The following CACNB2 variants were observed in gnomAD, a reference collection of about 807,000 sequenced individuals.
CACNB2 encodes calcium voltage-gated channel auxiliary subunit beta 2.
A neutral mutation model predicts 73.3 loss-of-function variants in CACNB2; 42 were observed. The observed-to-expected ratio is 0.57, with a 90% CI of 0.45 to 0.74. The LOEUF is 0.74. Among genes scored for constraint, CACNB2 ranks in the 30% least tolerant of loss-of-function variants. The pLI is 0.00. For missense variants in CACNB2, 940 were observed against 853.0 expected (o/e 1.10, Z -1.27); for synonymous variants, 348 against 310.3 (o/e 1.12, Z -1.28).
Position 18,494,257 on chromosome 10 carries a change from G to A in CACNB2, c.334-4098G>A, listed in dbSNP as rs1042094906. On this transcript the variant is annotated intron_variant, in intron 3 of 13. Coordinates refer to ENST00000324631, the MANE Select transcript of CACNB2 (RefSeq NM_201596.3). ...AAGATTTTCTATGGGGTCTTCTGTC[G>A]AGTCAGGCATTAAAAATGTGTCTTA... 2.6e-5 allele frequency among the ~76,000 whole-genome samples: 4 copies of A among 152,060 alleles called. No homozygotes were observed. In the South Asian group the frequency reaches 6.2e-4, roughly 24 times the overall value.
intron 9 of CACNB2, among the ~76,000 whole-genome samples, chr10:18,522,800 C>T (rs1275672802): frequency 7.0e-6 from 1 of 142,634 alleles, no homozygotes; most frequent in African/African-American, 2.7e-5. Context: ...ATTGCTTGAA[C>T]CCGGGAGGCA....
At chr10:18,402,081 T>G in intron 3 of CACNB2, 38 bp downstream of exon 3, 2 of 1,610,006 alleles carry the variant, frequency 1.2e-6, no homozygotes, top group East Asian at 2.2e-5. Flanking sequence ...CTTTGCAAGT[T>G]GTGCTGTGCC....
chr10:18,215,135 T>A (rs2035463566), intron 2 of CACNB2, among the ~76,000 whole-genome samples: 1 of 152,062 alleles, frequency 6.6e-6, no homozygotes. Flanking sequence ...CCCAGTATGG[T>A]ATTCATGGGG....
At chr10:18,532,723 A>C (rs2053188509) in intron 10 of CACNB2, among the ~76,000 whole-genome samples, 5 of 150,666 alleles carry the variant, frequency 3.3e-5, no homozygotes, top group Admixed American at 2.0e-4. Context: ...ACAAACAAAA[A>C]AAACAAAAAA....
chr10:18,154,674 G>T (rs185646310), intron 2 of CACNB2, among the ~76,000 whole-genome samples: 3 of 152,222 alleles, frequency 2.0e-5, no homozygotes, highest in Non-Finnish European at 4.4e-5. Context: ...CGCCATGTTG[G>T]CCAGGCTGGT....
At chr10:18,361,335 A>G (rs746983487) in intron 2 of CACNB2, among the ~76,000 whole-genome samples, 1 of 92,590 alleles carries the variant, frequency 1.1e-5, no homozygotes, top group African/African-American at 4.2e-5. Flanking sequence ...ACAAAAAATT[A>G]AAAAAAAAAA....
chr10:18,442,115 G>T (rs868038177), intron 3 of CACNB2, among the ~76,000 whole-genome samples: 1 of 152,086 alleles, frequency 6.6e-6, no homozygotes, highest in African/African-American at 2.4e-5. Flanking sequence ...GAAAGGATCT[G>T]TTCCTTGTAG....
chr10:18,432,490 C>G (rs2045937083), intron 3 of CACNB2, among the ~76,000 whole-genome samples: 1 of 151,448 alleles, frequency 6.6e-6, no homozygotes, highest in Admixed American at 6.6e-5. Flanking sequence ...GTCCCTGTCC[C>G]TATACCTCAA....
Position 18,534,175 on chromosome 10 carries a change from G to C in CACNB2, c.1154G>C (p.Ser385Thr), listed in dbSNP as rs770400596. 3.1e-6 allele frequency: 5 copies of C among 1,613,756 alleles called. No homozygotes were observed. Among genetic ancestry groups the C allele is most frequent in the Non-Finnish European group, 3.4e-6 (4 of 1,179,690 alleles). The change falls in exon 11 of 14, where the codon AGT (serine) becomes ACT (threonine). Residue 385 changes from serine to threonine, a missense_variant. By Grantham distance (58) the Ser-to-Thr change is moderately conservative (BLOSUM62 1). Transcript: ENST00000324631. ...ADTINHPAQL[S>T]KTSLAPIIVY... ...ACAATTAATCATCCAGCTCAACTCAGTAAAACCTCCTTGGCCCCTATTATA... is the reference window on the plus strand; with the variant it reads ...ACAATTAATCATCCAGCTCAACTCACTAAAACCTCCTTGGCCCCTATTATA...
intron 2 of CACNB2, among the ~76,000 whole-genome samples, chr10:18,267,551 A>G (rs920938550): frequency 2.0e-5 from 3 of 152,194 alleles, no homozygotes; most frequent in African/African-American, 7.2e-5. Flanking sequence ...GGTTGCAGTG[A>G]ACTGAGATCA....
chr10:18,511,625 T>C (rs16917405), intron 6 of CACNB2, among the ~76,000 whole-genome samples: 4,912 of 152,320 alleles, frequency 0.032, 265 homozygotes, highest in African/African-American at 0.11. Flanking sequence ...ATGTATAATA[T>C]GATGCTTTCC....
chr10:18,280,234 A>C (rs985113727), intron 2 of CACNB2, among the ~76,000 whole-genome samples: 1 of 152,182 alleles, frequency 6.6e-6, no homozygotes, highest in Non-Finnish European at 1.5e-5. Context: ...ACAAGAATAA[A>C]AACTAGAAAA....
intron 3 of CACNB2, among the ~76,000 whole-genome samples, chr10:18,472,221 C>CTTTTTTTTTTTT (rs200348808): frequency 2.5e-5 from 3 of 119,420 alleles, no homozygotes; most frequent in Admixed American, 9.4e-5. Flanking sequence ...CACTTTTCTT[C>CTTTTTTTTTTTT]TTTTTTTTTT....
intron 2 of CACNB2, among the ~76,000 whole-genome samples, chr10:18,380,225 T>C (rs887550040): frequency 1.3e-5 from 2 of 152,144 alleles, no homozygotes; most frequent in Admixed American, 6.6e-5. Flanking sequence ...TCTTAAAATA[T>C]TTTTAAAATG....
At chr10:18,176,427 A>G (rs1337886209) in intron 2 of CACNB2, among the ~76,000 whole-genome samples, 2 of 152,178 alleles carry the variant, frequency 1.3e-5, no homozygotes, top group Non-Finnish European at 2.9e-5. Flanking sequence ...TAGTGTAGGA[A>G]CATATTGTTC....
At chr10:18,374,944 TAAAAGC>T (rs1400516271) in intron 2 of CACNB2, among the ~76,000 whole-genome samples, 1 of 152,128 alleles carries the variant, frequency 6.6e-6, no homozygotes, top group Non-Finnish European at 1.5e-5. Flanking sequence ...GGTACTTTAG[TAAAAGC>T]AAAAGCCTGT....
At chr10:18,279,409 G>T (rs1049538033) in intron 2 of CACNB2, among the ~76,000 whole-genome samples, 1 of 152,178 alleles carries the variant, frequency 6.6e-6, no homozygotes, top group Non-Finnish European at 1.5e-5. Flanking sequence ...CTTAAGAAAC[G>T]ATTGTTTGTA....
At chr10:18,150,612 A>G (rs1209935549) in intron 1 of CACNB2, among the ~76,000 whole-genome samples, 4 of 152,290 alleles carry the variant, frequency 2.6e-5, no homozygotes, top group Admixed American at 2.0e-4. Context: ...GCGGTGAGCC[A>G]AGATGGTGCC....
chr10:18,270,256 A>T (rs1334229671), intron 2 of CACNB2, among the ~76,000 whole-genome samples: 2 of 152,112 alleles, frequency 1.3e-5, no homozygotes, highest in African/African-American at 4.8e-5. Flanking sequence ...TCATAAAAAC[A>T]ATGTGGAAGA....
Sources: gnomAD v4.1 joint callset for allele counts (sites outside exome capture counted in the v4.1 genomes callset) on GRCh38, gnomAD v4.1.1 for gene constraint, MANE v1.5 for transcripts, NCBI Gene and HGNC (gene_info 2026-07-23, HGNC 2026-07-21) for gene names.